SHOC1: variants seen among roughly 807,000 people sequenced by gnomAD.
The protein encoded by SHOC1 is shortage in chiasmata 1.
A neutral mutation model predicts 179.2 loss-of-function variants in SHOC1; 136 were observed. The ratio of observed to expected loss-of-function variants is 0.76; its 90% CI spans 0.66 to 0.87. The LOEUF is 0.87. Ranked by LOEUF, SHOC1 falls within the 40% of genes least tolerant of loss-of-function variation. The pLI, the probability that SHOC1 is intolerant of heterozygous loss-of-function variation, is 0.00. For missense variants in SHOC1, 1,538 were observed against 1,700.8 expected (o/e 0.90, Z 1.68); for synonymous variants, 489 against 586.6 (o/e 0.83, Z 2.41).
intron 9 of SHOC1, among the ~76,000 whole-genome samples, chr9:111,747,584 G>GT (rs1564144481): frequency 1.3e-5 from 2 of 151,702 alleles, no homozygotes; most frequent in Non-Finnish European, 2.9e-5. Context: ...TTATTCAGGG[G>GT]TTTTTTTGTT....
At chr9:111,760,440 C>G (rs1255279997) in intron 5 of SHOC1, among the ~76,000 whole-genome samples, 1 of 151,990 alleles carries the variant, frequency 6.6e-6, no homozygotes, top group African/African-American at 2.4e-5. Flanking sequence ...ATTAAATTGT[C>G]ACCAGGAAAC....
chr9:111,789,357 TATAA>T (rs1438835597), intron 2 of SHOC1, among the ~76,000 whole-genome samples: 7 of 152,224 alleles, frequency 4.6e-5, no homozygotes, highest in African/African-American at 1.4e-4. Context: ...CATTTATAGT[TATAA>T]ATATTACTTT....
intron 10 of SHOC1, among the ~76,000 whole-genome samples, chr9:111,742,212 C>T (rs1045983262): frequency 2.6e-5 from 4 of 152,138 alleles, no homozygotes; most frequent in Non-Finnish European, 5.9e-5. Context: ...ACTATGCTAG[C>T]GTCAACCTTA....
chr9:111,744,269 T>C (rs1490232657), intron 10 of SHOC1, among the ~76,000 whole-genome samples: 1 of 152,194 alleles, frequency 6.6e-6, no homozygotes, highest in African/African-American at 2.4e-5. Context: ...AATAAATATC[T>C]TGTACCTTAT....
intron 12 of SHOC1, among the ~76,000 whole-genome samples, chr9:111,730,647 C>G (rs577174796): frequency 6.6e-6 from 1 of 152,270 alleles, no homozygotes; most frequent in East Asian, 1.9e-4. Flanking sequence ...ATCATTCTGG[C>G]TTTGTTGTTC....
intron 5 of SHOC1, among the ~76,000 whole-genome samples, chr9:111,775,057 G>A (rs1168180317): frequency 6.6e-6 from 1 of 151,852 alleles, no homozygotes; most frequent in African/African-American, 2.4e-5. Context: ...GTGCAGTGGC[G>A]CGATCTCGGT....
chr9:111,780,814 AG>A (rs1297496186), intron 4 of SHOC1, 115 bp downstream of exon 4: 5 of 654,988 alleles, frequency 7.6e-6, no homozygotes, highest in Non-Finnish European at 1.3e-5. Context: ...TTCAGATAAA[AG>A]AAGAAAATCC....
chr9:111,781,513 A>T (rs1207910127), intron 3 of SHOC1, among the ~76,000 whole-genome samples: 2 of 152,188 alleles, frequency 1.3e-5, no homozygotes, highest in African/African-American at 4.8e-5. Flanking sequence ...ACTTGAGGCC[A>T]GGAGTTCGAG....
chr9:111,708,386 A>G (rs952405900), intron 18 of SHOC1, among the ~76,000 whole-genome samples: 7 of 151,972 alleles, frequency 4.6e-5, no homozygotes, highest in African/African-American at 1.7e-4. Context: ...TATTTTTAGT[A>G]GAGACAGTGT....
At chr9:111,756,866 G>C (rs919602448) in intron 7 of SHOC1, among the ~76,000 whole-genome samples, 2 of 152,286 alleles carry the variant, frequency 1.3e-5, no homozygotes, top group East Asian at 1.9e-4. Flanking sequence ...GATCTTTACT[G>C]TGATCCATGG....
At chr9:111,705,205 A>C (rs776041664) in intron 21 of SHOC1, 42 bp downstream of exon 21, 2 of 955,738 alleles carry the variant, frequency 2.1e-6, no homozygotes, top group Non-Finnish European at 3.2e-6. Flanking sequence ...ACATATATAT[A>C]TAATGTACAC....
chr9:111,786,846 A>G (rs1836278744), intron 2 of SHOC1, among the ~76,000 whole-genome samples: 1 of 152,214 alleles, frequency 6.6e-6, no homozygotes, highest in South Asian at 2.1e-4. Context: ...AAAGAAGTCA[A>G]TGTCTGTGTT....
chr9:111,721,401 G>C (rs985018869), intron 15 of SHOC1, among the ~76,000 whole-genome samples: 2 of 152,190 alleles, frequency 1.3e-5, no homozygotes, highest in African/African-American at 4.8e-5. Context: ...ATGCAGTGGT[G>C]TGATCTCAGC....
At chr9:111,794,401 T>G (rs1836555301) in intron 1 of SHOC1, among the ~76,000 whole-genome samples, 1 of 151,266 alleles carries the variant, frequency 6.6e-6, no homozygotes, top group Admixed American at 6.6e-5. Flanking sequence ...CGGGTCAACA[T>G]GGCAAAACCC....
intron 15 of SHOC1, among the ~76,000 whole-genome samples, chr9:111,719,967 C>T (rs921668285): frequency 1.3e-5 from 2 of 152,104 alleles, no homozygotes; most frequent in Non-Finnish European, 1.5e-5. Context: ...GGAGTAAGTA[C>T]ACTCCACCCT....
chr9:111,702,308 T>G (rs1269343669), intron 22 of SHOC1, 82 bp from the exon 23 acceptor site: 13 of 939,714 alleles, frequency 1.4e-5, no homozygotes, highest in Non-Finnish European at 2.1e-5. Flanking sequence ...TTCAAGAATC[T>G]ATGACATATA....
rs576043508 is a variant in SHOC1 at position 111,708,237 on chromosome 9, C to G, written c.2489-313G>C. Among the ~76,000 whole-genome samples the G allele has an allele frequency of 2.0e-5, 3 of 151,236 alleles. No individual in the cohort carries two copies. In the East Asian group the frequency reaches 5.8e-4, roughly 29 times the overall value. On this transcript the variant is annotated intron_variant, in intron 18 of 27. Coordinates refer to ENST00000682961, the MANE Select transcript of SHOC1 (RefSeq NM_001378211.1). The stretch of plus-strand genomic sequence containing the variant: ...ATTTTTTTTGAGACAGAGTCTCGCT[C>G]TGTCGCCCAGGCTGGAGTTCTGTGG...
intron 4 of SHOC1, among the ~76,000 whole-genome samples, chr9:111,780,548 A>T (rs952118571): frequency 8.5e-5 from 13 of 152,168 alleles, no homozygotes; most frequent in Non-Finnish European, 2.9e-5. Context: ...TATCTAATAT[A>T]TAGGATGATA....
rs559103984 is a variant in SHOC1, at chr9:111,786,283, A to C, written c.46-248T>G. ...CCCCATCTCTACTAAAAATACAAAA[A>C]AATTATCCGGGCGTGGTTGTGGGCG... On this transcript the variant is annotated intron_variant, in intron 2 of 27. Transcript: ENST00000682961. Among the ~76,000 whole-genome samples the C allele has an allele frequency of 1.9e-4, 29 of 152,208 alleles. 1 individual carries two copies. The highest frequency in any genetic ancestry group is 4.6e-4 in the African/African-American group (19 of 41,536).
Sources: gnomAD v4.1 joint callset for allele counts (sites outside exome capture counted in the v4.1 genomes callset) on GRCh38, gnomAD v4.1.1 for gene constraint, MANE v1.5 for transcripts, NCBI Gene and HGNC (gene_info 2026-07-23, HGNC 2026-07-21) for gene names.